NLGN1: variants seen among roughly 807,000 people sequenced by gnomAD.
The protein encoded by NLGN1 is neuroligin-1.
In NLGN1, 12 loss-of-function variants were observed where a neutral mutation model predicts 65.5. The observed-to-expected ratio is 0.18, with a 90% CI of 0.12 to 0.30. The LOEUF (loss-of-function observed/expected upper bound fraction) is 0.30. Ranked by LOEUF, NLGN1 falls within the 10% of genes least tolerant of loss-of-function variation. NLGN1 has a pLI of 1.00. For missense variants in NLGN1, 750 were observed against 1,007.1 expected (o/e 0.74, Z 3.46); for synonymous variants, 350 against 359.5 (o/e 0.97, Z 0.30).
At chr3:174,077,873 A>T (rs1166083473) in intron 4 of NLGN1, among the ~76,000 whole-genome samples, 1 of 152,088 alleles carries the variant, frequency 6.6e-6, no homozygotes, top group Non-Finnish European at 1.5e-5. Flanking sequence ...TCTTTTTAAT[A>T]ATTTCAGCCA....
chr3:173,804,933 G>C (rs568254777), intron 3 of NLGN1, among the ~76,000 whole-genome samples: 21 of 152,248 alleles, frequency 1.4e-4, no homozygotes, highest in African/African-American at 3.6e-4. Context: ...GGCTGAGACA[G>C]GAGAATAGCT....
At chr3:173,503,379 G>C (rs1051856721) in intron 2 of NLGN1, among the ~76,000 whole-genome samples, 1 of 152,008 alleles carries the variant, frequency 6.6e-6, no homozygotes, top group African/African-American at 2.4e-5. Flanking sequence ...TTTTATAGTT[G>C]CATTTTCCGT....
intron 4 of NLGN1, among the ~76,000 whole-genome samples, chr3:173,809,809 T>C (rs12633592): frequency 6.6e-6 from 1 of 152,358 alleles, no homozygotes; most frequent in South Asian, 2.1e-4. Context: ...TGCAAGGCAA[T>C]GGATTAACTC....
chr3:174,041,194 T>A (rs1363208834), intron 4 of NLGN1, among the ~76,000 whole-genome samples: 5 of 152,194 alleles, frequency 3.3e-5, no homozygotes, highest in African/African-American at 7.2e-5. Flanking sequence ...TTTAAATTGT[T>A]TAATATTGCC....
intron 2 of NLGN1, among the ~76,000 whole-genome samples, chr3:173,534,358 T>A (rs1311816400): frequency 6.6e-6 from 1 of 152,218 alleles, no homozygotes; most frequent in Non-Finnish European, 1.5e-5. Context: ...ATTCTTGATG[T>A]ACCTTTACTA....
At chr3:174,274,861 A>C (rs539585608) in intron 4 of NLGN1, among the ~76,000 whole-genome samples, 1 of 151,812 alleles carries the variant, frequency 6.6e-6, no homozygotes, top group East Asian at 1.9e-4. Flanking sequence ...CCTGCTCTAC[A>C]CATGTCCATC....
intron 4 of NLGN1, among the ~76,000 whole-genome samples, chr3:174,130,492 A>C (rs1215749826): frequency 2.0e-5 from 3 of 152,128 alleles, no homozygotes; most frequent in Admixed American, 2.0e-4. Flanking sequence ...AGTCCTCGAG[A>C]ATCTAAATGG....
chr3:173,450,813 C>T (rs1469310869), intron 2 of NLGN1, among the ~76,000 whole-genome samples: 6 of 152,230 alleles, frequency 3.9e-5, no homozygotes, highest in South Asian at 2.1e-4. Flanking sequence ...TCATTCATTT[C>T]GTCTTACATA....
At chr3:173,756,121 GT>G (rs1340626209) in intron 3 of NLGN1, among the ~76,000 whole-genome samples, 1 of 103,752 alleles carries the variant, frequency 9.6e-6, no homozygotes, top group Non-Finnish European at 2.3e-5. Context: ...CTACATTAAT[GT>G]TTTGGGATTT....
At chr3:174,229,599 G>T (rs542203818) in intron 4 of NLGN1, among the ~76,000 whole-genome samples, 2 of 152,144 alleles carry the variant, frequency 1.3e-5, no homozygotes, top group South Asian at 4.1e-4. Flanking sequence ...TCTTGCTAAT[G>T]AATACTAAAA....
chr3:173,412,329 C>T (rs1191440015), intron 1 of NLGN1, among the ~76,000 whole-genome samples: 1 of 151,990 alleles, frequency 6.6e-6, no homozygotes, highest in Non-Finnish European at 1.5e-5. Flanking sequence ...CACACACACA[C>T]ACACACACAC....
chr3:173,704,226 G>A (rs1251081321), intron 3 of NLGN1, among the ~76,000 whole-genome samples: 6 of 152,186 alleles, frequency 3.9e-5, no homozygotes, highest in Admixed American at 2.0e-4. Context: ...GTGTCCTAAT[G>A]TCTGACACTG....
intron 4 of NLGN1, among the ~76,000 whole-genome samples, chr3:174,148,869 A>ATAT (rs1240437964): frequency 6.6e-6 from 1 of 152,154 alleles, no homozygotes; most frequent in East Asian, 1.9e-4. Context: ...TTCCACAATT[A>ATAT]TATTATTCTG....
chr3:173,972,342 A>C (rs896082215), intron 4 of NLGN1, among the ~76,000 whole-genome samples: 1 of 152,132 alleles, frequency 6.6e-6, no homozygotes, highest in East Asian at 1.9e-4. Context: ...AGGTTTTTCT[A>C]CTACCTGCAA....
intron 4 of NLGN1, among the ~76,000 whole-genome samples, chr3:173,869,482 C>G (rs1730777368): frequency 1.3e-5 from 2 of 152,080 alleles, no homozygotes; most frequent in South Asian, 4.1e-4. Flanking sequence ...GCATCAGAAA[C>G]TAGTAGTCTT....
At chr3:173,932,329 TTAATC>T (rs1744249137) in intron 4 of NLGN1, among the ~76,000 whole-genome samples, 1 of 152,186 alleles carries the variant, frequency 6.6e-6, no homozygotes, top group Admixed American at 6.6e-5. Flanking sequence ...AAGAAATAAA[TTAATC>T]TATAACTCCT....
intron 2 of NLGN1, among the ~76,000 whole-genome samples, chr3:173,468,226 G>T (rs1449208878): frequency 1.3e-5 from 2 of 151,988 alleles, no homozygotes; most frequent in East Asian, 3.8e-4. Context: ...TAAATAACTG[G>T]ATTAGTGTAT....
At chr3:173,603,554 G>T (rs1213259291) in intron 2 of NLGN1, among the ~76,000 whole-genome samples, 1 of 152,034 alleles carries the variant, frequency 6.6e-6, no homozygotes, top group Non-Finnish European at 1.5e-5. Flanking sequence ...TATATAGCAA[G>T]ATGGTAAAAT....
intron 3 of NLGN1, among the ~76,000 whole-genome samples, chr3:173,630,503 C>T (rs1417880478): frequency 6.6e-6 from 1 of 151,826 alleles, no homozygotes; most frequent in Non-Finnish European, 1.5e-5. Flanking sequence ...TTCTGCATTT[C>T]CCTAAAAATC....
Sources: gnomAD v4.1 joint callset for allele counts (sites outside exome capture counted in the v4.1 genomes callset) on GRCh38, gnomAD v4.1.1 for gene constraint, MANE v1.5 for transcripts, NCBI Gene and HGNC (gene_info 2026-07-23, HGNC 2026-07-21) for gene names.